MAGI2: variants seen among roughly 807,000 people sequenced by gnomAD.
The protein encoded by MAGI2 is membrane associated guanylate kinase, WW and PDZ domain containing 2, also known as membrane-associated guanylate kinase, WW and PDZ domain-containing protein 2.
A neutral mutation model predicts 133.3 loss-of-function variants in MAGI2; 35 were observed. The observed-to-expected ratio is 0.26, with a 90% CI of 0.20 to 0.35. The LOEUF is 0.35. MAGI2 is among the 10% of genes least tolerant of loss of function. The probability of loss-of-function intolerance (pLI) is 1.00; values close to 1 mark genes in which losing one functional copy is unlikely to be tolerated. For missense variants in MAGI2, 1,636 were observed against 1,863.4 expected, an observed-to-expected ratio of 0.88 and a Z score of 2.25; for synonymous variants, 729 against 710.6, an observed-to-expected ratio of 1.03 and a Z score of -0.41.
In MAGI2 at chr7:78,274,379, T is replaced by C. The variant is rs187229067; in HGVS notation, c.1409-17798A>G. 7.1e-3 allele frequency among the ~76,000 whole-genome samples: 1,081 copies of C among 152,300 alleles called. 10 individuals carry two copies. The highest frequency in any genetic ancestry group is 0.048 in the South Asian group (234 of 4,826). ...CCTGTATGAGGTGTCTGTCAGCTCC[T>C]ACTGGGAGGTGTCTCCCAGTCAGGA... On this transcript the variant is annotated intron_variant, in intron 9 of 21. Transcript: ENST00000354212.
At chr7:79,404,421 G>A (rs544431184) in intron 1 of MAGI2, among the ~76,000 whole-genome samples, 55 of 152,144 alleles carry the variant, frequency 3.6e-4, no homozygotes, top group African/African-American at 1.3e-3. Context: ...CTGCAGCCTT[G>A]AACTCCTGGC....
rs1398833044 is a variant in MAGI2 at position 79,324,635 on chromosome 7, A to ATG, written c.301+128384_301+128385insCA. 5.2e-3 allele frequency among the ~76,000 whole-genome samples: 16 copies of ATG among 3,092 alleles called. 3 individuals carry two copies. Among genetic ancestry groups the ATG allele is most frequent in the Admixed American group, 0.01 (1 of 100 alleles). The allele number at this position is 3,092 out of a possible 152,430, so 2.0% of individuals were successfully genotyped here. ...AATATATATAATATATATATTATAT[A>ATG]TATATAAAATATATATATATTATAT... On this transcript the variant is annotated intron_variant, in intron 1 of 21. Transcript: ENST00000354212.
intron 2 of MAGI2, among the ~76,000 whole-genome samples, chr7:78,645,102 A>G (rs1007995388): frequency 6.6e-6 from 1 of 150,940 alleles, no homozygotes; most frequent in Non-Finnish European, 1.5e-5. Context: ...TAGCCTGTAT[A>G]TGTGTGTGCG....
intron 2 of MAGI2, among the ~76,000 whole-genome samples, chr7:78,878,825 C>T (rs1056692910): frequency 2.6e-5 from 4 of 152,188 alleles, no homozygotes; most frequent in Non-Finnish European, 5.9e-5. Flanking sequence ...ACCTGCTCAC[C>T]TGGACCAAAA....
chr7:79,117,471 T>C (rs1819507055), intron 1 of MAGI2, among the ~76,000 whole-genome samples: 1 of 152,186 alleles, frequency 6.6e-6, no homozygotes, highest in Admixed American at 6.5e-5. Context: ...AAGGTAATAC[T>C]AAACAGTTTG....
At chr7:78,606,504 G>T (rs1805829736) in intron 3 of MAGI2, among the ~76,000 whole-genome samples, 1 of 152,054 alleles carries the variant, frequency 6.6e-6, no homozygotes, top group Non-Finnish European at 1.5e-5. Flanking sequence ...AAGAGAGAAG[G>T]TGAGGAATAT....
chr7:78,109,303 CAAAAAAAAAAAAAAAAAAA>C (rs71085511), intron 20 of MAGI2, among the ~76,000 whole-genome samples: 4 of 19,944 alleles, frequency 2.0e-4, no homozygotes, highest in African/African-American at 8.0e-4. Context: ...GACTCCGTCT[CAAAAAAAAAAAAAAAAAAA>C]AAAAAAAAAA....
At chr7:78,116,842 C>T (rs1270910495) in intron 20 of MAGI2, among the ~76,000 whole-genome samples, 1 of 151,816 alleles carries the variant, frequency 6.6e-6, no homozygotes, top group African/African-American at 2.4e-5. Context: ...TGTACCACTG[C>T]ACTCCAGCCT....
chr7:78,066,160 G>A (rs73136521), intron 21 of MAGI2, among the ~76,000 whole-genome samples: 28,748 of 151,918 alleles, frequency 0.19, 2,740 homozygotes, highest in Middle Eastern at 0.21. Flanking sequence ...AAAACTTTGC[G>A]TATTAAATTC....
chr7:79,077,573 T>TCAAAAAAAAA (rs1815601476), intron 1 of MAGI2, among the ~76,000 whole-genome samples: 1 of 14,300 alleles, frequency 7.0e-5, no homozygotes, highest in African/African-American at 2.2e-4. Flanking sequence ...AGACTGCCTC[T>TCAAAAAAAAA]CAAAAAAAAA....
intron 6 of MAGI2, among the ~76,000 whole-genome samples, chr7:78,434,855 C>T (rs1331928136): frequency 6.6e-6 from 1 of 152,088 alleles, no homozygotes; most frequent in Non-Finnish European, 1.5e-5. Context: ...AATGAAAATG[C>T]AAGGCTGAAG....
At chr7:78,415,880 T>A (rs1583990401) in intron 6 of MAGI2, among the ~76,000 whole-genome samples, 1 of 152,162 alleles carries the variant, frequency 6.6e-6, no homozygotes, top group Non-Finnish European at 1.5e-5. Flanking sequence ...CAACATTTCA[T>A]CTTTGCAGCT....
At chr7:79,070,271 T>C (rs1362677598) in intron 1 of MAGI2, among the ~76,000 whole-genome samples, 1 of 152,066 alleles carries the variant, frequency 6.6e-6, no homozygotes, top group East Asian at 2.0e-4. Context: ...CCTTTTCACA[T>C]AGTCCCATGT....
At chr7:79,114,838 T>C (rs1318589735) in intron 1 of MAGI2, among the ~76,000 whole-genome samples, 2 of 152,308 alleles carry the variant, frequency 1.3e-5, no homozygotes, top group Admixed American at 1.3e-4. Context: ...ATCTGCTACC[T>C]CCCATTCCAA....
In MAGI2 at chr7:78,381,458, C is replaced by G. The variant is rs572860578; in HGVS notation, c.1046-12245G>C. 3.9e-4 allele frequency among the ~76,000 whole-genome samples: 59 copies of G among 152,210 alleles called. 1 individual carries two copies. The highest frequency in any genetic ancestry group is 6.8e-3 in the Middle Eastern group (2 of 294). On this transcript the variant is annotated intron_variant, in intron 6 of 21. Coordinates refer to ENST00000354212, the MANE Select transcript of MAGI2 (RefSeq NM_012301.4). The stretch of plus-strand genomic sequence containing the variant: ...TCTGATTCAAGCTCGACAAATTTAA[C>G]TACATAAAAACAGAAAAGAATATCT...
intron 1 of MAGI2, among the ~76,000 whole-genome samples, chr7:79,366,825 A>T (rs956875872): frequency 2.6e-5 from 4 of 152,152 alleles, no homozygotes; most frequent in Non-Finnish European, 5.9e-5. Context: ...ATTTTTTCAT[A>T]GGATATATTA....
At chr7:78,887,864 G>T (rs923619712) in intron 2 of MAGI2, among the ~76,000 whole-genome samples, 5 of 152,214 alleles carry the variant, frequency 3.3e-5, no homozygotes, top group Non-Finnish European at 7.3e-5. Flanking sequence ...TCTCACTGGG[G>T]AGTGACGGAG....
chr7:79,293,890 A>T (rs1202966535), intron 1 of MAGI2, among the ~76,000 whole-genome samples: 1 of 152,210 alleles, frequency 6.6e-6, no homozygotes, highest in African/African-American at 2.4e-5. Context: ...CATATACAAA[A>T]GTTGTAAAGA....
intron 1 of MAGI2, among the ~76,000 whole-genome samples, chr7:79,010,496 T>C (rs887956354): frequency 1.3e-5 from 2 of 152,166 alleles, no homozygotes; most frequent in Non-Finnish European, 2.9e-5. Context: ...CAATAAATGT[T>C]ATCTATTGTT....
Sources: gnomAD v4.1 joint callset for allele counts (sites outside exome capture counted in the v4.1 genomes callset) on GRCh38, gnomAD v4.1.1 for gene constraint, MANE v1.5 for transcripts, NCBI Gene and HGNC (gene_info 2026-07-23, HGNC 2026-07-21) for gene names.